UBN1: variants seen among roughly 807,000 people sequenced by gnomAD.
The protein encoded by UBN1 is ubinuclein-1.
A neutral mutation model predicts 108.5 loss-of-function variants in UBN1; 17 were observed. The ratio of observed to expected loss-of-function variants is 0.16; its 90% CI spans 0.11 to 0.24. The LOEUF is 0.24. UBN1 is among the 10% of genes least tolerant of loss of function. UBN1 has a pLI of 1.00. For synonymous variants in UBN1, 726 were observed against 564.2 expected (o/e 1.29, Z -4.07); for missense variants, 1,595 against 1,394.4 (o/e 1.14, Z -2.29).
intron 2 of UBN1, among the ~76,000 whole-genome samples, chr16:4,857,101 G>A (rs2086849418): frequency 1.3e-5 from 2 of 152,048 alleles, no homozygotes; most frequent in Non-Finnish European, 1.5e-5. Context: ...CAGCACTTTG[G>A]GAGGCTGAGA....
intron 2 of UBN1, among the ~76,000 whole-genome samples, chr16:4,857,161 A>T (rs953680170): frequency 6.6e-6 from 1 of 151,804 alleles, no homozygotes. Context: ...GGGCAACATG[A>T]TGAAACCCTA....
At position 4,880,113 on chromosome 16, in the gene UBN1, C is replaced by T; in HGVS notation, c.3386C>T (p.Ala1129Val). ...GASQLHGKGP[A>V]VPRKL ...TCTCAGCTTCACGGGAAAGGGCCTG[C>T]TGTACCACGGAAATTGTGACCGCTT... is the stretch of plus-strand genomic sequence containing the variant. Residue 1129 changes from alanine to valine, a missense_variant, in exon 18 of 18, where the codon GCT becomes GTT. Around this residue, in one of 3 missense-constraint regions of UBN1, gnomAD observed 1,398 missense variants for 1,194.7 expected, o/e 1.17. Transcript: ENST00000262376. 6.2e-7 allele frequency: 1 copy of T among 1,614,042 alleles called. No homozygotes were observed. The highest frequency in any genetic ancestry group is 1.1e-5 in the South Asian group (1 of 91,054).
chr16:4,849,854 C>T (rs1293806392), intron 1 of UBN1, among the ~76,000 whole-genome samples: 10 of 149,518 alleles, frequency 6.7e-5, no homozygotes, highest in Non-Finnish European at 1.5e-4. Context: ...GCCTTAGCCT[C>T]CCAAAGTGCT....
rs1223829878 is a variant in UBN1, at chr16:4,870,877, G to A, written c.1464G>A (p.Arg488=). ...MLEEEKDKEQ[R]DRICSDEEED... ...AAGAGGAGAAAGACAAGGAGCAGAG[G>A]GACCGGATTTGTTCGGATGAGGAAG... Residue 488 remains arginine, a synonymous_variant, in exon 11 of 18, where the codon AGG becomes AGA. Coordinates refer to ENST00000262376, the MANE Select transcript of UBN1 (RefSeq NM_001079514.3). 6.2e-7 allele frequency: 1 copy of A among 1,613,958 alleles called. No individual in the cohort carries two copies.
At chr16:4,855,104 C>T (rs1055251223) in intron 2 of UBN1, among the ~76,000 whole-genome samples, 6 of 152,144 alleles carry the variant, frequency 3.9e-5, no homozygotes, top group Non-Finnish European at 8.8e-5. Flanking sequence ...CCCACACTCG[C>T]AGCATTGTGG....
chr16:4,867,905 A>G (rs1292497794), intron 7 of UBN1, among the ~76,000 whole-genome samples: 5 of 152,124 alleles, frequency 3.3e-5, no homozygotes, highest in African/African-American at 1.2e-4. Flanking sequence ...ATTTCACCCA[A>G]AGCCTTCAGA....
intron 7 of UBN1, among the ~76,000 whole-genome samples, chr16:4,868,107 G>A (rs1156686900): frequency 6.6e-6 from 1 of 152,170 alleles, no homozygotes; most frequent in East Asian, 1.9e-4. Flanking sequence ...AACCAAGTGT[G>A]AGAACCCTGA....
chr16:4,870,155 A>G, intron 8 of UBN1, 57 bp from the exon 9 acceptor site: 1 of 1,608,852 alleles, frequency 6.2e-7, no homozygotes, highest in South Asian at 1.1e-5. Flanking sequence ...CGGTGAGCTG[A>G]TGAAGACAGG....
chr16:4,870,440 G>A, intron 9 of UBN1, 76 bp from the exon 10 acceptor site: 1 of 1,610,436 alleles, frequency 6.2e-7, no homozygotes, highest in Non-Finnish European at 8.5e-7. Flanking sequence ...CTGCCTCCTT[G>A]TGATCACCCC....
Position 4,874,228 on chromosome 16 carries a change from T to A in UBN1, c.1818T>A (p.Pro606=), listed in dbSNP as rs2087773140. 6.4e-7 allele frequency: 1 copy of A among 1,561,970 alleles called. No individual in the cohort carries two copies. The highest frequency in any genetic ancestry group is 8.7e-7 in the Non-Finnish European group (1 of 1,155,192). ...TCCTTTAGGAATCGTCTACGAAGCCTGATAAAAAGGTTTCTGTCCCATCAG... is the reference window on the plus strand; with the variant it reads ...TCCTTTAGGAATCGTCTACGAAGCCAGATAAAAAGGTTTCTGTCCCATCAG... ...KIKVKESSTK[P]DKKVSVPSGQ... The change falls in exon 15 of 18, where the codon CCT becomes CCA. Residue 606 remains proline (P), a synonymous_variant. Transcript: ENST00000262376.
chr16:4,859,842 T>C (rs749296186), intron 5 of UBN1, 23 bp from the exon 6 acceptor site: 3 of 1,613,514 alleles, frequency 1.9e-6, no homozygotes, highest in South Asian at 2.2e-5. Context: ...GCCGTGTAAC[T>C]GTGCCTTGTC....
At chr16:4,879,173 G>C (rs1248922209) in intron 17 of UBN1, among the ~76,000 whole-genome samples, 3 of 152,134 alleles carry the variant, frequency 2.0e-5, no homozygotes, top group African/African-American at 7.2e-5. Context: ...GCCAGCAAAA[G>C]GAGATGAAAA....
intron 17 of UBN1, among the ~76,000 whole-genome samples, chr16:4,879,133 G>GT (rs1260530120): frequency 6.6e-6 from 1 of 152,180 alleles, no homozygotes; most frequent in African/African-American, 2.4e-5. Context: ...GTAGTATGTA[G>GT]TTTCAGTTAG....
chr16:4,858,105 A>C, intron 3 of UBN1, 29 bp downstream of exon 3: 1 of 1,482,604 alleles, frequency 6.7e-7, no homozygotes, highest in South Asian at 1.1e-5. Context: ...ATAACAAAAC[A>C]ACCTCATTGG....
At chr16:4,865,746 G>T (rs1044405722) in intron 7 of UBN1, among the ~76,000 whole-genome samples, 1 of 151,972 alleles carries the variant, frequency 6.6e-6, no homozygotes, top group Non-Finnish European at 1.5e-5. Flanking sequence ...GGATCACTTG[G>T]GGTCAGATGT....
At chr16:4,865,817 C>T (rs1392595356) in intron 7 of UBN1, among the ~76,000 whole-genome samples, 3 of 151,912 alleles carry the variant, frequency 2.0e-5, no homozygotes, top group Non-Finnish European at 4.4e-5. Context: ...AAAAAATTAG[C>T]CGAACATGGG....
chr16:4,853,691 G>C (rs2086663175), intron 2 of UBN1, among the ~76,000 whole-genome samples: 1 of 151,804 alleles, frequency 6.6e-6, no homozygotes, highest in African/African-American at 2.4e-5. Flanking sequence ...CCGAGTACCT[G>C]GGACTGACTA....
intron 7 of UBN1, among the ~76,000 whole-genome samples, chr16:4,868,190 G>A (rs1312461350): frequency 6.6e-6 from 1 of 152,152 alleles, no homozygotes; most frequent in African/African-American, 2.4e-5. Context: ...TGCTTCAGGG[G>A]TCTCTGAGCT....
Position 4,875,098 on chromosome 16 carries a change from C to T in UBN1, c.2688C>T (p.Gly896=). The T allele has an allele frequency of 6.2e-7, 1 of 1,614,182 alleles. No homozygotes were observed. Among genetic ancestry groups the T allele is most frequent in the Non-Finnish European group, 8.5e-7 (1 of 1,180,050 alleles). ...AGCCACATTCAGTCAGCTCTGCAGG[C>T]TCATCTTACAAGAATAATCCCTTTG... The part of the protein sequence containing the change: ...PAKPHSVSSA[G]SSYKNNPFAS... The change falls in exon 15 of 18, where the codon GGC becomes GGT. Residue 896 remains glycine (G), a synonymous_variant. Transcript: ENST00000262376.
Sources: gnomAD v4.1 joint callset for allele counts (sites outside exome capture counted in the v4.1 genomes callset) on GRCh38, gnomAD v4.1.1 for gene constraint, gnomAD v4.1.1 regional missense constraint, MANE v1.5 for transcripts, NCBI Gene and HGNC (gene_info 2026-07-23, HGNC 2026-07-21) for gene names.